Variants in BRIP1 observed in about 807,000 individuals in gnomAD.
BRIP1 encodes BRCA1 interacting DNA helicase 1.
Under a neutral mutation model 119.7 loss-of-function variants are expected in BRIP1, and 88 were observed. That is an observed-to-expected ratio of 0.74 (90% confidence interval 0.62 to 0.88). The LOEUF is 0.88. Ranked by LOEUF, BRIP1 falls within the 40% of genes least tolerant of loss-of-function variation. BRIP1 has a pLI of 0.00. For synonymous variants in BRIP1, 443 were observed against 496.5 expected, an observed-to-expected ratio of 0.89 and a Z score of 1.43; for missense variants, 1,259 against 1,455.4, an observed-to-expected ratio of 0.87 and a Z score of 2.20.
chr17:61,790,658 T>A (rs752509954), intron 10 of BRIP1, among the ~76,000 whole-genome samples: 1 of 152,128 alleles, frequency 6.6e-6, no homozygotes, highest in Non-Finnish European at 1.5e-5. Flanking sequence ...TCTTTTTTTT[T>A]AAACAGGGTC....
In BRIP1 at chr17:61,686,466, A is replaced by T. The variant is rs1389040438; in HGVS notation, c.2576-301T>A. Among the ~76,000 whole-genome samples the T allele has an allele frequency of 6.6e-6, 1 of 152,162 alleles. No homozygotes were observed. Among genetic ancestry groups the T allele is most frequent in the African/African-American group, 2.4e-5 (1 of 41,434 alleles). ...TTAAGAATAACTGGTGAACATGGCA[A>T]ATTTAATTTCATCATAATTCCCCAC... On this transcript the variant is annotated intron_variant, in intron 18 of 19. Coordinates refer to ENST00000259008, the MANE Select transcript of BRIP1 (RefSeq NM_032043.3). This position sits in a 1 kb window ranked among gnomAD's most constrained non-coding sequence, Gnocchi z 5.4.
In BRIP1 at chr17:61,828,423, T is replaced by C. The variant is rs1281504090; in HGVS notation, c.627+18678A>G. Among the ~76,000 whole-genome samples the C allele has an allele frequency of 6.6e-6, 1 of 152,158 alleles. No homozygotes were observed. The highest frequency in any genetic ancestry group is 1.5e-5 in the Non-Finnish European group (1 of 68,028). On this transcript the variant is annotated intron_variant, in intron 6 of 19. Transcript: ENST00000259008. This position sits in a 1 kb window ranked among gnomAD's most constrained non-coding sequence, Gnocchi z 4.1. ...TGGACAATAGGGAAATACAGAGATATTGTTTCATGGGTATGGTGTTTCAGT... is the reference window on the plus strand; with the variant it reads ...TGGACAATAGGGAAATACAGAGATACTGTTTCATGGGTATGGTGTTTCAGT...
intron 13 of BRIP1, among the ~76,000 whole-genome samples, chr17:61,777,882 G>A (rs530499050): frequency 2.0e-5 from 3 of 152,254 alleles, no homozygotes; most frequent in African/African-American, 7.2e-5. Context: ...GCCCTCCCCA[G>A]AGGTTGAGGA....
rs887856185 is a variant in BRIP1 at position 61,754,667 on chromosome 17, C to A, written c.2098-10076G>T. On this transcript the variant is annotated intron_variant, in intron 14 of 19. Coordinates refer to ENST00000259008, the MANE Select transcript of BRIP1 (RefSeq NM_032043.3). The surrounding 1 kb of genome is among the most constrained non-coding windows in gnomAD (Gnocchi z 4.1). The stretch of plus-strand genomic sequence containing the variant: ...TGGCTTAAACAAGAGAAATTTATTT[C>A]TTACTTCTTGGCTATGAAGTCCAAG... 6.6e-6 allele frequency among the ~76,000 whole-genome samples: 1 copy of A among 152,140 alleles called. No homozygotes were observed. Among genetic ancestry groups the A allele is most frequent in the African/African-American group, 2.4e-5 (1 of 41,422 alleles).
Position 61,683,117 on chromosome 17 carries a change from C to G in BRIP1, c.*179G>C. On this transcript the variant is annotated 3_prime_UTR_variant, in exon 20 of 20. Coordinates refer to ENST00000259008, the MANE Select transcript of BRIP1 (RefSeq NM_032043.3). The surrounding 1 kb of genome is among the most constrained non-coding windows in gnomAD (Gnocchi z 4.7). Reference sequence around the variant, plus strand: ...CTGCATTCCAGCCTGGGCAACAGACCAAGACTCTGTCTCAAAAAAAAAAAC... The same window carrying G: ...CTGCATTCCAGCCTGGGCAACAGACGAAGACTCTGTCTCAAAAAAAAAAAC... 4.2e-6 allele frequency: 3 copies of G among 710,614 alleles called. No homozygotes were observed. The South Asian group carries it at 5.8e-5, about 14-fold the overall frequency. The allele number at this position is 710,614 out of a possible 1,614,324, so 44.0% of individuals were successfully genotyped here. A position where few individuals can be genotyped will look rare whatever the true frequency, so the allele number is the denominator to read the frequency against.
rs570742723 is a variant in BRIP1 at position 61,816,632 on chromosome 17, G to A, written c.628-7875C>T. 2.6e-5 allele frequency among the ~76,000 whole-genome samples: 4 copies of A among 152,152 alleles called. No homozygotes were observed. The South Asian group carries it at 8.3e-4, about 32-fold the overall frequency. ...ATAAAGATGACTGACCTGCTATAAA[G>A]CAAAAATTATCCTGGTATAATAGAA... On this transcript the variant is annotated intron_variant, in intron 6 of 19. Coordinates refer to ENST00000259008, the MANE Select transcript of BRIP1 (RefSeq NM_032043.3). The surrounding 1 kb of genome is among the most constrained non-coding windows in gnomAD (Gnocchi z 5.0).
rs2077573661 is a variant in BRIP1 at position 61,778,874 on chromosome 17, AC to A, written c.1935+1386del. ...TAGTTGCTCCCAAGTAATTGTGAGGACCAAAAATGTTCCCACCTATAAACCT... is the reference window on the plus strand; with the variant it reads ...TAGTTGCTCCCAAGTAATTGTGAGGACAAAAATGTTCCCACCTATAAACCT... On this transcript the variant is annotated intron_variant, in intron 13 of 19. Transcript: ENST00000259008. The surrounding 1 kb of genome is among the most constrained non-coding windows in gnomAD (Gnocchi z 4.4). 6.6e-6 allele frequency among the ~76,000 whole-genome samples: 1 copy of A among 152,200 alleles called. No homozygotes were observed. Among genetic ancestry groups the A allele is most frequent in the South Asian group, 2.1e-4 (1 of 4,830 alleles).
At position 61,805,277 on chromosome 17, in the gene BRIP1, A is replaced by G. The variant is rs1318387993; in HGVS notation, c.918+3190T>C. Among the ~76,000 whole-genome samples, 1 of 152,154 alleles carries G rather than the reference A, an allele frequency of 6.6e-6. No individual in the cohort carries two copies. Among genetic ancestry groups the G allele is most frequent in the Non-Finnish European group, 1.5e-5 (1 of 68,020 alleles). The stretch of plus-strand genomic sequence containing the variant: ...TGAATAGCTGAGGACCAGTTCTCCT[A>G]AAGCTTTGTATTCAGCCATGTTAAA... On this transcript the variant is annotated intron_variant, in intron 7 of 19. Transcript: ENST00000259008. This position sits in a 1 kb window ranked among gnomAD's most constrained non-coding sequence, Gnocchi z 5.6.
rs2061334100 is a variant in BRIP1, at chr17:61,684,675, C to T, written c.2906-535G>A. ...ACTATTTATAGTGAATTTTGTATTA[C>T]TATTTTGTAGTATTTATATACAAAA... is the stretch of plus-strand genomic sequence containing the variant. On this transcript the variant is annotated intron_variant, in intron 19 of 19. Coordinates refer to ENST00000259008, the MANE Select transcript of BRIP1 (RefSeq NM_032043.3). The surrounding 1 kb of genome is among the most constrained non-coding windows in gnomAD (Gnocchi z 4.5). The T allele has an allele frequency of 6.6e-6, 1 of 152,484 alleles. No individual in the cohort carries two copies. Among genetic ancestry groups the T allele is most frequent in the Non-Finnish European group, 1.5e-5 (1 of 68,338 alleles). 9.4% of individuals were successfully genotyped at this position (152,484 alleles called of 1,614,324 possible).
At chr17:61,692,009 G>A (rs753240214) in intron 18 of BRIP1, among the ~76,000 whole-genome samples, 1 of 151,920 alleles carries the variant, frequency 6.6e-6, no homozygotes, top group African/African-American at 2.4e-5. Context: ...ATATGCTTTG[G>A]TTATTTGTTT....
chr17:61,792,665 G>T (rs111629030), intron 10 of BRIP1, among the ~76,000 whole-genome samples: 3 of 152,258 alleles, frequency 2.0e-5, no homozygotes, highest in African/African-American at 7.2e-5. Flanking sequence ...GGTTTGGTGG[G>T]TGTGGGCGTG....
rs2078719537 is a variant in BRIP1 at position 61,845,823 on chromosome 17, A to G, written c.627+1278T>C. On this transcript the variant is annotated intron_variant, in intron 6 of 19. Coordinates refer to ENST00000259008, the MANE Select transcript of BRIP1 (RefSeq NM_032043.3). This position sits in a 1 kb window ranked among gnomAD's most constrained non-coding sequence, Gnocchi z 4.2. ...AGAATGTTAAAAACCTAAACGGCTG[A>G]GATTAAATAAAATTAGTAATTTTTA... Among the ~76,000 whole-genome samples the G allele has an allele frequency of 6.6e-6, 1 of 152,214 alleles. No homozygotes were observed. The highest frequency in any genetic ancestry group is 1.5e-5 in the Non-Finnish European group (1 of 68,052).
chr17:61,718,371 C>G (rs1333732492), intron 16 of BRIP1, among the ~76,000 whole-genome samples: 1 of 152,186 alleles, frequency 6.6e-6, no homozygotes, highest in East Asian at 1.9e-4. Flanking sequence ...ATGATTGTTT[C>G]AAGTACCCCA....
In BRIP1 at chr17:61,774,862, A is replaced by G. The variant is rs976021906; in HGVS notation, c.2097+1539T>C. Among the ~76,000 whole-genome samples, 7 of 152,236 alleles carry G rather than the reference A, an allele frequency of 4.6e-5. No individual in the cohort carries two copies. The highest frequency in any genetic ancestry group is 1.7e-4 in the African/African-American group (7 of 41,474). On this transcript the variant is annotated intron_variant, in intron 14 of 19. Transcript: ENST00000259008. This position sits in a 1 kb window ranked among gnomAD's most constrained non-coding sequence, Gnocchi z 5.8. The stretch of plus-strand genomic sequence containing the variant: ...TTATAAATGTCTGTAACTAAAATTC[A>G]TACTGTCTGCTATATGCATTCCAAG...
At chr17:61,737,587 G>A (rs1422234472) in intron 16 of BRIP1, among the ~76,000 whole-genome samples, 2 of 152,056 alleles carry the variant, frequency 1.3e-5, no homozygotes, top group South Asian at 2.1e-4. Context: ...TTCCATAGAG[G>A]CATACAAATA....
chr17:61,734,412 A>G lies in BRIP1; in HGVS notation c.2379+8601T>C, dbSNP rs899817995. On this transcript the variant is annotated intron_variant, in intron 16 of 19. Transcript: ENST00000259008. This position sits in a 1 kb window ranked among gnomAD's most constrained non-coding sequence, Gnocchi z 5.2. ...AAGTTTTCTTTTTAACTATTATACG[A>G]TTAAGTATATCCTTATGAATGATCA... is the stretch of plus-strand genomic sequence containing the variant. Among the ~76,000 whole-genome samples, 2 of 152,212 alleles carry G rather than the reference A, an allele frequency of 1.3e-5. No individual in the cohort carries two copies. Among genetic ancestry groups the G allele is most frequent in the African/African-American group, 2.4e-5 (1 of 41,458 alleles).
intron 16 of BRIP1, among the ~76,000 whole-genome samples, chr17:61,719,245 C>A (rs531206556): frequency 1.2e-4 from 18 of 148,734 alleles, no homozygotes; most frequent in African/African-American, 4.5e-4. Context: ...AGGTATCCAA[C>A]AACAGATAAG....
chr17:61,714,800 A>ATT (rs35246906), intron 17 of BRIP1, among the ~76,000 whole-genome samples: 19 of 129,046 alleles, frequency 1.5e-4, no homozygotes, highest in East Asian at 4.6e-4. Flanking sequence ...TGATTTGCTA[A>ATT]TTTTTTTTTT....
At chr17:61,840,074 T>C (rs2078634326) in intron 6 of BRIP1, among the ~76,000 whole-genome samples, 1 of 152,136 alleles carries the variant, frequency 6.6e-6, no homozygotes, top group Non-Finnish European at 1.5e-5. Flanking sequence ...CAAAAGAATT[T>C]TTGGCCAGGT....
Sources: gnomAD v4.1 joint callset for allele counts (sites outside exome capture counted in the v4.1 genomes callset) on GRCh38, gnomAD v4.1.1 for gene constraint, Gnocchi (gnomAD v3.1) non-coding constraint, MANE v1.5 for transcripts, NCBI Gene and HGNC (gene_info 2026-07-23, HGNC 2026-07-21) for gene names.